The following ZNF730 variants were observed in gnomAD, a reference collection of about 807,000 sequenced individuals.
ZNF730 encodes the protein zinc finger protein 730.
A neutral mutation model predicts 12.6 loss-of-function variants in ZNF730; 12 were observed. That is an observed-to-expected ratio of 0.95 (90% CI 0.61 to 1.54). ZNF730 has a LOEUF of 1.54. Among genes scored for constraint, ZNF730 ranks in the 40% most tolerant of loss-of-function variants. The probability of loss-of-function intolerance (pLI) is 0.00; values close to 1 mark genes in which losing one functional copy is unlikely to be tolerated. For synonymous variants in ZNF730, 194 were observed against 195.8 expected (o/e 0.99, Z 0.08); for missense variants, 643 against 583.5 (o/e 1.10, Z -1.05).
chr19:23,123,619 A>C (rs1970626259), intron 1 of ZNF730: 1 of 144,916 alleles, frequency 6.9e-6, no homozygotes, highest in South Asian at 2.4e-4. Context: ...TCTGCTGAGA[A>C]CATGCCTTTT....
rs754496820 is a variant in ZNF730 at position 23,146,200 on chromosome 19, CATAAG to C, written c.1161_1165del (p.Lys387AsnfsTer11). ...TAACCAATCCTCAACTCTTACTATA[CATAAG>C]ATAATTCATACTGTAGAGAAATTTT... On this transcript the variant is annotated frameshift_variant, in exon 4 of 4. Transcript: ENST00000597761. LOFTEE classifies it low-confidence loss of function (END_TRUNC). 2 of 1,609,776 alleles carry C rather than the reference CATAAG, an allele frequency of 1.2e-6. No homozygotes were observed. The highest frequency in any genetic ancestry group is 1.3e-5 in the African/African-American group (1 of 74,704).
rs79261377 is a variant in ZNF730, at chr19:23,075,912, A to T, written c.-94+525A>T. ...TAATATATTAATTTATAAGAAATGC[A>T]TTCGAGTTGGGTTTTAGATTTTTTA... On this transcript the variant is annotated intron_variant, in intron 1 of 2. Coordinates refer to the ZNF730 transcript ENST00000593635. 7.8e-3 allele frequency among the ~76,000 whole-genome samples: 1,189 copies of T among 152,048 alleles called. 10 individuals are homozygous for T. Among genetic ancestry groups the T allele is most frequent in the Non-Finnish European group, 0.014 (934 of 67,988 alleles).
chr19:23,091,008 A>T (rs570008559), intron 1 of ZNF730, among the ~76,000 whole-genome samples: 81 of 152,102 alleles, frequency 5.3e-4, no homozygotes, highest in Non-Finnish European at 1.0e-3. Context: ...CTCAAAAAAA[A>T]AAAAAAGAAA....
intron 3 of ZNF730, among the ~76,000 whole-genome samples, chr19:23,144,873 G>A (rs1191403705): frequency 1.3e-5 from 2 of 152,028 alleles, no homozygotes; most frequent in Admixed American, 6.6e-5. Flanking sequence ...AGAAACCAGT[G>A]TCTAGAAAAG....
rs57769795 is a variant in ZNF730, at chr19:23,144,700, C to CAAAA, written c.227-558_227-555dup. Among the ~76,000 whole-genome samples, 16 of 85,768 alleles carry CAAAA rather than the reference C, an allele frequency of 1.9e-4. No homozygotes were observed. The South Asian group carries it at 5.0e-3, about 27-fold the overall frequency. 56.3% of individuals were successfully genotyped at this position (85,768 alleles called of 152,430 possible). A position where few individuals can be genotyped will look rare whatever the true frequency, so the allele number is the denominator to read the frequency against. ...GGGTGACAGAGCAAGACTCTTGTCTCAAAAAAAAAAAAAAAATTAGTAATC... is the reference window on the plus strand; with the variant it reads ...GGGTGACAGAGCAAGACTCTTGTCTCAAAAAAAAAAAAAAAAAAAATTAGTAATC... On this transcript the variant is annotated intron_variant, in intron 3 of 3. Transcript: ENST00000597761.
intron 1 of ZNF730, among the ~76,000 whole-genome samples, chr19:23,099,580 A>T (rs1230832143): frequency 6.6e-6 from 1 of 152,130 alleles, no homozygotes; most frequent in African/African-American, 2.4e-5. Context: ...TCTTTAACCA[A>T]AATTCAGCAC....
At chr19:23,096,526 T>C (rs535263121) in intron 1 of ZNF730, among the ~76,000 whole-genome samples, 1 of 152,316 alleles carries the variant, frequency 6.6e-6, no homozygotes, top group Admixed American at 6.5e-5. Flanking sequence ...ACCTAGGTGA[T>C]GTGACTCTTC....
In ZNF730 at chr19:23,146,260, A is replaced by G; in HGVS notation, c.1216A>G (p.Ser406Gly). 1.9e-6 allele frequency: 3 copies of G among 1,613,814 alleles called. No homozygotes were observed. Among genetic ancestry groups the G allele is most frequent in the Non-Finnish European group, 2.5e-6 (3 of 1,179,836 alleles). ...YKCEECGKAFSRISHLTTHKR... is the reference protein window; with the variant it reads ...YKCEECGKAFGRISHLTTHKR... ...ATGTGAAGAATGTGGCAAAGCCTTTAGCCGTATCTCACACCTTACTACACA... is the reference window on the plus strand; with the variant it reads ...ATGTGAAGAATGTGGCAAAGCCTTTGGCCGTATCTCACACCTTACTACACA... Residue 406 changes from serine (S) to glycine (G), a missense_variant, in exon 4 of 4, where the codon AGC becomes GGC. Transcript: ENST00000597761.
chr19:23,091,015 GA>G (rs1970150867), intron 1 of ZNF730, among the ~76,000 whole-genome samples: 1 of 150,340 alleles, frequency 6.7e-6, no homozygotes, highest in African/African-American at 2.4e-5. Flanking sequence ...AAAAAAAAAA[GA>G]AAAAGAAAAA....
At chr19:23,116,346 CTTAT>C (rs1298392427), upstream of ZNF730, among the ~76,000 whole-genome samples, 3 of 121,610 alleles carry the variant, frequency 2.5e-5, no homozygotes, top group South Asian at 2.5e-4. Flanking sequence ...CCTTTCTTTC[CTTAT>C]TTCTTTTCTT....
upstream of ZNF730, chr19:23,116,930 GCCTT>G: frequency 1.1e-4 from 10 of 94,110 alleles, no homozygotes; most frequent in South Asian, 2.5e-4. Flanking sequence ...AGGGGGCGGG[GCCTT>G]AAACGTTATC....
At chr19:23,097,988 GA>G (rs1382220406) in intron 1 of ZNF730, among the ~76,000 whole-genome samples, 3 of 151,822 alleles carry the variant, frequency 2.0e-5, no homozygotes, top group African/African-American at 4.8e-5. Flanking sequence ...AAAATACAAA[GA>G]AAAAAATAGC....
At chr19:23,105,118 C>CTTTTTT (rs1007819236) in intron 1 of ZNF730, among the ~76,000 whole-genome samples, 2 of 87,732 alleles carry the variant, frequency 2.3e-5, no homozygotes, top group African/African-American at 3.1e-5. Flanking sequence ...TTTTTCTTTT[C>CTTTTTT]TTTTTTTTTT....
At chr19:23,116,717 G>C (rs1327926033), upstream of ZNF730, among the ~76,000 whole-genome samples, 2 of 151,850 alleles carry the variant, frequency 1.3e-5, no homozygotes, top group Non-Finnish European at 2.9e-5. Context: ...CACCGCGCCC[G>C]GTCTATGTTC....
intron 2 of ZNF730, among the ~76,000 whole-genome samples, chr19:23,135,222 A>T (rs1199201880): frequency 0.047 from 552 of 11,850 alleles, 2 homozygotes; most frequent in African/African-American, 0.11. Context: ...AATGATCAAT[A>T]AAAAAAAAAA....
chr19:23,118,359 G>GTT (rs1231852822), intron 1 of ZNF730, among the ~76,000 whole-genome samples: 8 of 121,170 alleles, frequency 6.6e-5, no homozygotes, highest in Non-Finnish European at 1.0e-4. Flanking sequence ...GGTCAAGTTT[G>GTT]TTTTTTGTTT....
At chr19:23,089,175 A>T (rs961566259) in intron 1 of ZNF730, among the ~76,000 whole-genome samples, 1 of 151,312 alleles carries the variant, frequency 6.6e-6, no homozygotes, top group African/African-American at 2.4e-5. Flanking sequence ...CTGGCTGATT[A>T]TGTGGTTTTT....
At chr19:23,140,220 T>C (rs1264832484) in intron 3 of ZNF730, among the ~76,000 whole-genome samples, 2 of 152,222 alleles carry the variant, frequency 1.3e-5, no homozygotes, top group East Asian at 3.8e-4. Flanking sequence ...TTTCACCTTG[T>C]GTTTAATAAT....
At chr19:23,096,446 A>G (rs1175185644) in intron 1 of ZNF730, among the ~76,000 whole-genome samples, 1 of 152,196 alleles carries the variant, frequency 6.6e-6, no homozygotes, top group African/African-American at 2.4e-5. Context: ...TTAATCACCT[A>G]GGTGGTGTGA....
Sources: allele counts gnomAD v4.1 joint callset (sites outside exome capture counted in the v4.1 genomes callset), GRCh38; gene constraint gnomAD v4.1.1; transcripts MANE v1.5; gene names NCBI Gene and HGNC (gene_info 2026-07-23, HGNC 2026-07-21).